Variants in TBX2 observed in about 807,000 individuals in gnomAD.
The protein encoded by TBX2 is T-box transcription factor 2.
TBX2 carries 19 observed loss-of-function variants against 48.4 expected under a neutral mutation model. That is an observed-to-expected ratio of 0.39 (90% CI 0.27 to 0.58). The LOEUF is 0.58. TBX2 is among the 20% of genes least tolerant of loss of function. The pLI is 0.54. For synonymous variants in TBX2, 522 were observed against 459.7 expected, an observed-to-expected ratio of 1.14 and a Z score of -1.73; for missense variants, 994 against 1,006.5, an observed-to-expected ratio of 0.99 and a Z score of 0.17.
intron 2 of TBX2, 85 bp from the exon 3 acceptor site, chr17:61,402,976 G>GAGAGAGAGAGAGAGAGAGAGAGAGAGA: frequency 7.8e-7 from 1 of 1,275,772 alleles, no homozygotes; most frequent in East Asian, 2.7e-5. Flanking sequence ...GAGAGAAAGT[G>GAGAGAGAGAGAGAGAGAGAGAGAGAGA]GAGAGGAAGA....
rs1466774894 is a variant in TBX2, at chr17:61,408,524, C to T, written c.*18C>T. Reference sequence around the variant, plus strand: ...CCAAGTGAGGGGCTGCCCAGCTGCTCCCCTGCCACGCAGGCCACCCGGGCT... The same window carrying T: ...CCAAGTGAGGGGCTGCCCAGCTGCTTCCCTGCCACGCAGGCCACCCGGGCT... On this transcript the variant is annotated 3_prime_UTR_variant, in exon 7 of 7. Coordinates refer to ENST00000240328, the MANE Select transcript of TBX2 (RefSeq NM_005994.4). 4 of 1,432,324 alleles carry T rather than the reference C, an allele frequency of 2.8e-6. No individual in the cohort carries two copies. The Admixed American group carries it at 8.8e-5, about 32-fold the overall frequency. The allele number at this position is 1,432,324 out of a possible 1,614,324, so 88.7% of individuals were successfully genotyped here.
chr17:61,405,607 G>A lies in TBX2; in HGVS notation c.1457G>A (p.Gly486Asp), dbSNP rs201229574. Reference protein sequence around the residue: ...GQQFFGPLGAGQPLFLHPGQF... With the variant: ...GQQFFGPLGADQPLFLHPGQF... ...CAGTTCTTTGGGCCGCTGGGAGCCGGCCAGCCGCTCTTCCTGCACCCTGGA... is the reference window on the plus strand; with the variant it reads ...CAGTTCTTTGGGCCGCTGGGAGCCGACCAGCCGCTCTTCCTGCACCCTGGA... The change falls in exon 6 of 7, where the codon GGC becomes GAC. Residue 486 changes from glycine to aspartate, a missense_variant. Coordinates refer to ENST00000240328, the MANE Select transcript of TBX2 (RefSeq NM_005994.4). The A allele has an allele frequency of 1.9e-6, 3 of 1,591,388 alleles. No individual in the cohort carries two copies. Among genetic ancestry groups the A allele is most frequent in the Non-Finnish European group, 1.7e-6 (2 of 1,173,584 alleles).
At chr17:61,407,905 A>T in intron 6 of TBX2, 149 bp from the exon 7 acceptor site, 1 of 1,029,726 alleles carries the variant, frequency 9.7e-7, no homozygotes, top group Non-Finnish European at 1.4e-6. Flanking sequence ...GCTCATGCTT[A>T]CCTGTGCTGC....
In TBX2 at chr17:61,405,302, C is replaced by A. The variant is rs1443542556; in HGVS notation, c.1152C>A (p.Ser384Arg). The change falls in exon 6 of 7, where the codon AGC becomes AGA. Residue 384 changes from serine (S) to arginine (R), a missense_variant. Around this residue, in one of 5 missense-constraint regions of TBX2, gnomAD observed 639 missense variants for 613.2 expected, o/e 1.04. Coordinates refer to ENST00000240328, the MANE Select transcript of TBX2 (RefSeq NM_005994.4). ...APLGRSPAPD[S>R]ASPTRLTEPE... The stretch of plus-strand genomic sequence containing the variant: ...TAGGCCGCAGCCCGGCTCCAGACAG[C>A]GCCAGCCCCACTCGCTTGACCGAAC... 27 of 1,557,120 alleles carry A rather than the reference C, an allele frequency of 1.7e-5. No homozygotes were observed. In the Admixed American group the frequency reaches 5.0e-4, roughly 29 times the overall value.
chr17:61,402,037 C>T, intron 2 of TBX2, 86 bp downstream of exon 2: 1 of 1,504,584 alleles, frequency 6.6e-7, no homozygotes. Flanking sequence ...GGCAGGATCT[C>T]CCAGGGGGAA....
rs768834035 is a variant in TBX2, at chr17:61,408,118, C to T, written c.1751C>T (p.Ala584Val). ...PYPYTYMAAA[A>V]AAASALPATS... ...CCCTACACCTACATGGCAGCAGCAG[C>T]CGCAGCCGCCTCGGCTTTGCCCGCC... is the stretch of plus-strand genomic sequence containing the variant. Residue 584 changes from alanine (A) to valine (V), a missense_variant, in exon 7 of 7, where the codon GCC (alanine) becomes GTC (valine). Ala to Val is a moderately conservative substitution (Grantham distance 64, BLOSUM62 0). Coordinates refer to ENST00000240328, the MANE Select transcript of TBX2 (RefSeq NM_005994.4). The T allele has an allele frequency of 1.9e-6, 3 of 1,610,736 alleles. No homozygotes were observed. Among genetic ancestry groups the T allele is most frequent in the South Asian group, 2.2e-5 (2 of 90,862 alleles).
Position 61,400,003 on chromosome 17 carries a change from G to A in TBX2, c.-174G>A, listed in dbSNP as rs1026849305. On this transcript the variant is annotated 5_prime_UTR_variant, in exon 1 of 7. Transcript: ENST00000240328. The surrounding 1 kb of genome is among the most constrained non-coding windows in gnomAD (Gnocchi z 9.2). ...CGCGCAGAGCCCCCGCCGCCCCCGC[G>A]CACAGAGCCGGGTGCCCCTTGCGGT... 2 of 186,890 alleles carry A rather than the reference G, an allele frequency of 1.1e-5. No homozygotes were observed. The highest frequency in any genetic ancestry group is 2.0e-5 in the Non-Finnish European group (2 of 100,424). The allele number at this position is 186,890 out of a possible 1,614,324, so 11.6% of individuals were successfully genotyped here.
At position 61,408,402 on chromosome 17, in the gene TBX2, G is replaced by A; in HGVS notation, c.2035G>A (p.Gly679Ser). 1 of 1,552,308 alleles carries A rather than the reference G, an allele frequency of 6.4e-7. No individual in the cohort carries two copies. The highest frequency in any genetic ancestry group is 8.7e-7 in the Non-Finnish European group (1 of 1,148,732). Residue 679 changes from glycine (G) to serine (S), a missense_variant, in exon 7 of 7, where the codon GGC (glycine) becomes AGC (serine). By Grantham distance (56) the Gly-to-Ser change is moderately conservative. Around this residue, in one of 5 missense-constraint regions of TBX2, gnomAD observed 639 missense variants for 613.2 expected, o/e 1.04. Transcript: ENST00000240328. ...ATCCCGCGGTGCCCTGTCGCCCAGT[G>A]GCTCGGCCAAGGAGGCGGCCAATGA... ...APSRGALSPS[G>S]SAKEAANELQ... is the part of the protein sequence containing the mutation.
chr17:61,400,588 G>A lies in TBX2; in HGVS notation c.395+17G>A. ...GTCCGGGAGGTAGGGCTGCCGGCCGGCTGGAAGGCGCGCGGGCGGGCGGGC... is the reference window on the plus strand; with the variant it reads ...GTCCGGGAGGTAGGGCTGCCGGCCGACTGGAAGGCGCGCGGGCGGGCGGGC... On this transcript the variant is annotated intron_variant, in intron 1 of 6. Coordinates refer to ENST00000240328, the MANE Select transcript of TBX2 (RefSeq NM_005994.4). This position sits in a 1 kb window ranked among gnomAD's most constrained non-coding sequence, Gnocchi z 9.2. 3.2e-6 allele frequency: 5 copies of A among 1,539,766 alleles called. No homozygotes were observed. The highest frequency in any genetic ancestry group is 4.4e-6 in the Non-Finnish European group (5 of 1,141,336).
Position 61,405,450 on chromosome 17 carries a change from G to T in TBX2, c.1300G>T (p.Glu434Ter). 1 of 1,571,854 alleles carries T rather than the reference G, an allele frequency of 6.4e-7. No individual in the cohort carries two copies. Among genetic ancestry groups the T allele is most frequent in the Non-Finnish European group, 8.6e-7 (1 of 1,162,866 alleles). ...KERAEARRKDEGRKEAAEGKE... is the reference protein window; with the variant it reads ...KERAEARRKD ...GCGCGCCGAAGCTCGGAGGAAGGACGAGGGGCGCAAGGAGGCGGCCGAGGG... is the reference window on the plus strand; with the variant it reads ...GCGCGCCGAAGCTCGGAGGAAGGACTAGGGGCGCAAGGAGGCGGCCGAGGG... The change falls in exon 6 of 7, where the codon GAG (glutamate) becomes TAG (stop). Residue 434 changes from glutamate to a stop codon, truncating the protein, a stop_gained. Coordinates refer to ENST00000240328, the MANE Select transcript of TBX2 (RefSeq NM_005994.4). LOFTEE classifies it high-confidence loss of function.
chr17:61,408,145 C>A lies in TBX2; in HGVS notation c.1778C>A (p.Thr593Asn), dbSNP rs763593217. ...GCAGCCGCCTCGGCTTTGCCCGCCA[C>A]TAGTGCTGCAGCTGCCGCCGCCGCA... ...AAAAASALPA[T>N]SAAAAAAAAA... is the part of the protein sequence containing the mutation. Residue 593 changes from threonine (T) to asparagine (N), a missense_variant, in exon 7 of 7, where the codon ACT (threonine) becomes AAT (asparagine). Coordinates refer to ENST00000240328, the MANE Select transcript of TBX2 (RefSeq NM_005994.4). The A allele has an allele frequency of 1.6e-5, 26 of 1,611,692 alleles. No individual in the cohort carries two copies. The East Asian group carries it at 5.6e-4, about 35-fold the overall frequency.
Position 61,400,176 on chromosome 17 carries a change from G to A in TBX2, c.-1G>A. ...CCCGGGCGCCTGGGCCGGATGTCCC[G>A]ATGAGAGAGCCGGCGCTGGCGGCCA... On this transcript the variant is annotated 5_prime_UTR_variant, in exon 1 of 7. Coordinates refer to ENST00000240328, the MANE Select transcript of TBX2 (RefSeq NM_005994.4). The surrounding 1 kb of genome is among the most constrained non-coding windows in gnomAD (Gnocchi z 9.2). 9.0e-7 allele frequency: 1 copy of A among 1,111,226 alleles called. No individual in the cohort carries two copies. The highest frequency in any genetic ancestry group is 1.1e-6 in the Non-Finnish European group (1 of 900,778). The allele number at this position is 1,111,226 out of a possible 1,614,324, so 68.8% of individuals were successfully genotyped here.
In TBX2 at chr17:61,405,012, C is replaced by T. The variant is rs1251359680; in HGVS notation, c.1052-190C>T. The T allele has an allele frequency of 6.8e-6, 9 of 1,326,784 alleles. No homozygotes were observed. The African/African-American group carries it at 1.3e-4, about 19-fold the overall frequency. 82.2% of individuals were successfully genotyped at this position (1,326,784 alleles called of 1,614,324 possible). Reference sequence around the variant, plus strand: ...GTGTAATTCTATAGCTGTAGGGTTTCCTCTCCAGGGCTGGGTTCCTTCCAC... The same window carrying T: ...GTGTAATTCTATAGCTGTAGGGTTTTCTCTCCAGGGCTGGGTTCCTTCCAC... On this transcript the variant is annotated intron_variant, in intron 5 of 6. Coordinates refer to ENST00000240328, the MANE Select transcript of TBX2 (RefSeq NM_005994.4).
At position 61,401,732 on chromosome 17, in the gene TBX2, G is replaced by A. The variant is rs113035774; in HGVS notation, c.444G>A (p.Lys148=). 23 of 1,613,042 alleles carry A rather than the reference G, an allele frequency of 1.4e-5. 1 individual carries two copies. Among genetic ancestry groups the A allele is most frequent in the African/African-American group, 1.1e-4 (8 of 75,052 alleles). Residue 148 remains lysine, a synonymous_variant, in exon 2 of 7, where the codon AAG becomes AAA. Coordinates refer to ENST00000240328, the MANE Select transcript of TBX2 (RefSeq NM_005994.4). ...FKVRVSGLDK[K]AKYILLMDIV... is the part of the protein sequence containing the mutation. ...TGCGAGTCAGCGGCCTGGACAAGAAGGCCAAGTATATCCTGCTGATGGACA... is the reference window on the plus strand; with the variant it reads ...TGCGAGTCAGCGGCCTGGACAAGAAAGCCAAGTATATCCTGCTGATGGACA...
At position 61,404,808 on chromosome 17, in the gene TBX2, C is replaced by G. The variant is rs35619711; in HGVS notation, c.1051+39C>G. On this transcript the variant is annotated intron_variant, in intron 5 of 6. Transcript: ENST00000240328. ...CGGAGGAGGGACAGGGAGGTGGCGG[C>G]GGGGGGTCCTCAGGTCGCTGGGCTG... The G allele has an allele frequency of 0.67, 1,036,031 of 1,535,296 alleles. 361,545 individuals are homozygous for G. The highest frequency in any genetic ancestry group is 0.73 in the Non-Finnish European group (836,407 of 1,145,518).
Position 61,400,346 on chromosome 17 carries a change from T to G in TBX2, c.170T>G (p.Leu57Arg), listed in dbSNP as rs2060258981. Residue 57 changes from leucine (L) to arginine (R), a missense_variant, in exon 1 of 7, where the codon CTG (leucine) becomes CGG (arginine). Transcript: ENST00000240328. The surrounding 1 kb of genome is among the most constrained non-coding windows in gnomAD (Gnocchi z 9.2). ...ALAKPLPDPGLAGAAAAAAAA... is the reference protein window; with the variant it reads ...ALAKPLPDPGRAGAAAAAAAA... ...GCCAAGCCGCTGCCCGACCCGGGCC[T>G]GGCGGGGGCGGCGGCCGCGGCGGCG... 9.0e-6 allele frequency: 9 copies of G among 1,005,460 alleles called. No homozygotes were observed. The highest frequency in any genetic ancestry group is 1.1e-5 in the Non-Finnish European group (9 of 846,044). The allele number at this position is 1,005,460 out of a possible 1,614,324, so 62.3% of individuals were successfully genotyped here. A position where few individuals can be genotyped will look rare whatever the true frequency, so the allele number is the denominator to read the frequency against.
Position 61,405,324 on chromosome 17 carries a change from G to C in TBX2, c.1174G>C (p.Glu392Gln). Residue 392 changes from glutamate (E) to glutamine (Q), a missense_variant, in exon 6 of 7, where the codon GAA (glutamate) becomes CAA (glutamine). Glu to Gln is a conservative substitution (Grantham distance 29). This residue lies in a region of TBX2 where 639 missense variants were observed against 613.2 expected (regional missense o/e 1.04). Coordinates refer to ENST00000240328, the MANE Select transcript of TBX2 (RefSeq NM_005994.4). Reference sequence around the variant, plus strand: ...CAGCGCCAGCCCCACTCGCTTGACCGAACCCGAGCGCGCCCGGGAGCGGCG... The same window carrying C: ...CAGCGCCAGCCCCACTCGCTTGACCCAACCCGAGCGCGCCCGGGAGCGGCG... ...PDSASPTRLT[E>Q]PERARERRSP... The C allele has an allele frequency of 2.6e-6, 4 of 1,546,098 alleles. No individual in the cohort carries two copies. Among genetic ancestry groups the C allele is most frequent in the African/African-American group, 1.4e-5 (1 of 73,400 alleles).
intron 6 of TBX2, 62 bp downstream of exon 6, chr17:61,405,898 G>A: frequency 8.0e-7 from 1 of 1,256,374 alleles, no homozygotes; most frequent in Non-Finnish European, 1.0e-6. Flanking sequence ...CTGGCGGCGA[G>A]GCCAGCGGAG....
At position 61,406,123 on chromosome 17, in the gene TBX2, G is replaced by A; in HGVS notation, c.1686+287G>A. 5.9e-6 allele frequency: 2 copies of A among 339,558 alleles called. No homozygotes were observed. Among genetic ancestry groups the A allele is most frequent in the African/African-American group, 2.1e-5 (1 of 47,198 alleles). 21.0% of individuals were successfully genotyped at this position (339,558 alleles called of 1,614,324 possible). A position where few individuals can be genotyped will look rare whatever the true frequency, so the allele number is the denominator to read the frequency against. ...CTGCTTCCTTCCCTATAGCCCCAGCGAGGAGTGCGGTGCCCATCGAGACTC... is the reference window on the plus strand; with the variant it reads ...CTGCTTCCTTCCCTATAGCCCCAGCAAGGAGTGCGGTGCCCATCGAGACTC... On this transcript the variant is annotated intron_variant, in intron 6 of 6. Coordinates refer to ENST00000240328, the MANE Select transcript of TBX2 (RefSeq NM_005994.4). The surrounding 1 kb of genome is among the most constrained non-coding windows in gnomAD (Gnocchi z 5.7).
Sources: allele counts gnomAD v4.1 joint callset, GRCh38; gene constraint gnomAD v4.1.1; regional missense constraint gnomAD v4.1.1; non-coding constraint Gnocchi (gnomAD v3.1); transcripts MANE v1.5; gene names NCBI Gene and HGNC (gene_info 2026-07-23, HGNC 2026-07-21).